The following IMMP2L variants were observed in gnomAD, a reference collection of about 807,000 sequenced individuals.
IMMP2L encodes mitochondrial inner membrane protease subunit 2.
A neutral mutation model predicts 19.3 loss-of-function variants in IMMP2L; 18 were observed. The ratio of observed to expected loss-of-function variants is 0.93; its 90% confidence interval spans 0.64 to 1.38. The LOEUF is 1.38. Among genes scored for constraint, IMMP2L ranks in the 40% most tolerant of loss-of-function variants. IMMP2L has a pLI of 0.00. For missense variants in IMMP2L, 233 were observed against 218.2 expected (o/e 1.07, Z -0.43); for synonymous variants, 76 against 73.0 (o/e 1.04, Z -0.21).
intron 4 of IMMP2L, among the ~76,000 whole-genome samples, chr7:110,889,412 G>C (rs1810558195): frequency 6.6e-6 from 1 of 152,144 alleles, no homozygotes; most frequent in Non-Finnish European, 1.5e-5. Flanking sequence ...AGTGTCATAA[G>C]GAGCATGCAA....
intron 3 of IMMP2L, among the ~76,000 whole-genome samples, chr7:110,972,231 A>G (rs924885531): frequency 6.6e-6 from 1 of 151,912 alleles, no homozygotes; most frequent in Non-Finnish European, 1.5e-5. Flanking sequence ...ACCTCTAAAA[A>G]CAGCATTACC....
intron 5 of IMMP2L, among the ~76,000 whole-genome samples, chr7:110,729,146 G>T (rs1254544250): frequency 1.3e-5 from 2 of 152,110 alleles, no homozygotes; most frequent in African/African-American, 4.8e-5. Context: ...GCCTCCCAAA[G>T]TGCTGGGATT....
intron 3 of IMMP2L, among the ~76,000 whole-genome samples, chr7:111,420,653 G>A (rs938001723): frequency 6.1e-5 from 9 of 148,000 alleles, no homozygotes; most frequent in African/African-American, 2.0e-4. Context: ...GAGAACATGC[G>A]GTGTCTGGTT....
At chr7:111,194,132 C>G (rs1389856324) in intron 3 of IMMP2L, among the ~76,000 whole-genome samples, 1 of 152,150 alleles carries the variant, frequency 6.6e-6, no homozygotes, top group Non-Finnish European at 1.5e-5. Flanking sequence ...TGGGGCACAG[C>G]CCTCTGGGAA....
intron 5 of IMMP2L, among the ~76,000 whole-genome samples, chr7:110,741,988 C>A (rs2130871306): frequency 6.6e-6 from 1 of 152,118 alleles, no homozygotes; most frequent in East Asian, 1.9e-4. Flanking sequence ...ATTCCCTAGT[C>A]TATTGAGGGA....
At chr7:111,408,159 T>C (rs1445386912) in intron 3 of IMMP2L, among the ~76,000 whole-genome samples, 1 of 149,364 alleles carries the variant, frequency 6.7e-6, no homozygotes, top group Admixed American at 6.6e-5. Flanking sequence ...TAGAAGATAA[T>C]ACCATATGTG....
intron 3 of IMMP2L, among the ~76,000 whole-genome samples, chr7:111,085,868 T>G (rs1003073489): frequency 3.9e-5 from 6 of 152,164 alleles, no homozygotes; most frequent in Non-Finnish European, 7.3e-5. Flanking sequence ...CTACCATCCT[T>G]AGCAAACTAA....
intron 3 of IMMP2L, among the ~76,000 whole-genome samples, chr7:111,280,374 A>C (rs546287812): frequency 5.9e-4 from 90 of 152,246 alleles, no homozygotes; most frequent in African/African-American, 2.0e-3. Context: ...CACCTACCTA[A>C]GGTGGTCTCT....
chr7:110,718,515 A>G (rs1288348282), intron 5 of IMMP2L, among the ~76,000 whole-genome samples: 1 of 152,198 alleles, frequency 6.6e-6, no homozygotes, highest in Admixed American at 6.5e-5. Flanking sequence ...ACCAAAAAAT[A>G]AAGAGCAGAC....
chr7:111,320,296 C>G (rs1466868695), intron 3 of IMMP2L, among the ~76,000 whole-genome samples: 1 of 152,050 alleles, frequency 6.6e-6, no homozygotes, highest in Non-Finnish European at 1.5e-5. Context: ...TTACTCAAAT[C>G]AGAAGCTGAG....
intron 5 of IMMP2L, among the ~76,000 whole-genome samples, chr7:110,795,031 G>T (rs2131173617): frequency 6.6e-6 from 1 of 152,178 alleles, no homozygotes; most frequent in South Asian, 2.1e-4. Context: ...GGAAACAGAT[G>T]GGGAGATGCA....
At chr7:111,203,759 A>C (rs1562922845) in intron 3 of IMMP2L, among the ~76,000 whole-genome samples, 3 of 152,026 alleles carry the variant, frequency 2.0e-5, no homozygotes, top group Admixed American at 1.3e-4. Flanking sequence ...AACAAAAAAG[A>C]TCCTCGGGGT....
intron 3 of IMMP2L, among the ~76,000 whole-genome samples, chr7:111,125,817 CTTTTTTTT>C (rs1217257175): frequency 1.0e-5 from 1 of 100,138 alleles, no homozygotes; most frequent in African/African-American, 4.0e-5. Flanking sequence ...AGGCCGCTTG[CTTTTTTTT>C]TTTTTTTTTT....
At chr7:111,321,676 A>G (rs751986221) in intron 3 of IMMP2L, among the ~76,000 whole-genome samples, 4 of 151,954 alleles carry the variant, frequency 2.6e-5, no homozygotes, top group Non-Finnish European at 5.9e-5. Flanking sequence ...CTAAATCACC[A>G]AATTCAGAAA....
intron 5 of IMMP2L, among the ~76,000 whole-genome samples, chr7:110,734,331 C>G (rs566816799): frequency 1.3e-5 from 2 of 152,156 alleles, no homozygotes; most frequent in African/African-American, 4.8e-5. Context: ...GGAGAAACAG[C>G]CATTCTTGTG....
intron 5 of IMMP2L, among the ~76,000 whole-genome samples, chr7:110,833,991 T>C (rs1804204690): frequency 6.6e-6 from 1 of 152,216 alleles, no homozygotes; most frequent in South Asian, 2.1e-4. Context: ...ACTAAGTTAT[T>C]TTCTTTTTTG....
chr7:110,984,490 G>A (rs1482802181), intron 3 of IMMP2L, among the ~76,000 whole-genome samples: 1 of 152,020 alleles, frequency 6.6e-6, no homozygotes, highest in Non-Finnish European at 1.5e-5. Flanking sequence ...AATTTACGTT[G>A]CATAAGAGGT....
chr7:110,684,388 T>G (rs2130477296), intron 5 of IMMP2L, among the ~76,000 whole-genome samples: 1 of 152,220 alleles, frequency 6.6e-6, no homozygotes, highest in East Asian at 1.9e-4. Flanking sequence ...CAAATTAATT[T>G]TTTAGAGCAA....
At chr7:110,846,639 T>A (rs756288764) in intron 5 of IMMP2L, among the ~76,000 whole-genome samples, 1 of 152,098 alleles carries the variant, frequency 6.6e-6, no homozygotes, top group Non-Finnish European at 1.5e-5. Flanking sequence ...ATGCTGAGAT[T>A]ACAGGTGTAA....
Sources: allele counts gnomAD v4.1 joint callset (sites outside exome capture counted in the v4.1 genomes callset), GRCh38; gene constraint gnomAD v4.1.1; transcripts MANE v1.5; gene names NCBI Gene and HGNC (gene_info 2026-07-23, HGNC 2026-07-21).